Variants in FAM135B observed in about 807,000 individuals in gnomAD.
FAM135B encodes protein FAM135B.
Under a neutral mutation model 127.7 loss-of-function variants are expected in FAM135B, and 43 were observed. The observed-to-expected ratio is 0.34, with a 90% CI of 0.26 to 0.43. The LOEUF is 0.43. FAM135B is among the 20% of genes least tolerant of loss of function. The probability of loss-of-function intolerance (pLI) is 1.00; values close to 1 mark genes in which losing one functional copy is unlikely to be tolerated. For synonymous variants in FAM135B, 670 were observed against 665.1 expected (o/e 1.01, Z -0.11); for missense variants, 1,558 against 1,725.6 (o/e 0.90, Z 1.72).
chr8:138,411,900 C>A (rs970033987), intron 1 of FAM135B, among the ~76,000 whole-genome samples: 2 of 152,168 alleles, frequency 1.3e-5, no homozygotes, highest in Non-Finnish European at 1.5e-5. Context: ...GAAACAAAAT[C>A]ATGTCCTTTG....
At chr8:138,476,878 T>C (rs1564031970) in intron 1 of FAM135B, among the ~76,000 whole-genome samples, 1 of 152,206 alleles carries the variant, frequency 6.6e-6, no homozygotes, top group Non-Finnish European at 1.5e-5. Flanking sequence ...GGACTGGAGC[T>C]GGACTGGGAT....
chr8:138,192,102 G>C (rs1302555038), intron 9 of FAM135B, among the ~76,000 whole-genome samples: 2 of 152,148 alleles, frequency 1.3e-5, no homozygotes, highest in Non-Finnish European at 1.5e-5. Flanking sequence ...TTATAGAATT[G>C]TTTTATCAAT....
intron 1 of FAM135B, among the ~76,000 whole-genome samples, chr8:138,375,378 T>C (rs2131259378): frequency 6.6e-6 from 1 of 152,198 alleles, no homozygotes; most frequent in South Asian, 2.1e-4. Context: ...AGTCTCTCTC[T>C]GTGTGTTTGT....
rs1018168011 is a variant in FAM135B, at chr8:138,215,598, G to C, written c.670-17929C>G. On this transcript the variant is annotated intron_variant, in intron 7 of 19. Coordinates refer to ENST00000395297, the MANE Select transcript of FAM135B (RefSeq NM_015912.4). ...GGCTTCCATTCTATGACAGAAGTTA[G>C]CAAGTTGCAGAGGCGTTATCAGAAA... 5.9e-5 allele frequency among the ~76,000 whole-genome samples: 9 copies of C among 152,212 alleles called. No homozygotes were observed. The East Asian group carries it at 1.7e-3, about 29-fold the overall frequency.
chr8:138,299,876 T>G (rs971433311), intron 3 of FAM135B, among the ~76,000 whole-genome samples: 1 of 152,190 alleles, frequency 6.6e-6, no homozygotes, highest in African/African-American at 2.4e-5. Flanking sequence ...TTTATCTGAT[T>G]CATTTGTGGG....
intron 2 of FAM135B, among the ~76,000 whole-genome samples, chr8:138,344,217 G>A (rs940924779): frequency 6.6e-6 from 1 of 152,208 alleles, no homozygotes; most frequent in Non-Finnish European, 1.5e-5. Context: ...AAGTGTCAAG[G>A]GAGAAGATAC....
intron 13 of FAM135B, among the ~76,000 whole-genome samples, chr8:138,149,920 T>C (rs1485480567): frequency 6.6e-6 from 1 of 152,208 alleles, no homozygotes; most frequent in African/African-American, 2.4e-5. Flanking sequence ...AGGCAGGCAC[T>C]GGACAGCATC....
At chr8:138,226,272 A>C (rs913581398) in intron 7 of FAM135B, among the ~76,000 whole-genome samples, 5 of 151,830 alleles carry the variant, frequency 3.3e-5, no homozygotes, top group Non-Finnish European at 5.9e-5. Flanking sequence ...TCATGGAGAC[A>C]CCATGATGAA....
At chr8:138,172,712 G>A (rs10102334) in intron 11 of FAM135B, among the ~76,000 whole-genome samples, 86,298 of 152,016 alleles carry the variant, frequency 0.57, 24,719 homozygotes, top group East Asian at 0.81. Flanking sequence ...TTATGCAGAG[G>A]GAGGGAGGAA....
chr8:138,358,250 TG>T (rs1365977733), intron 2 of FAM135B: 2 of 152,142 alleles, frequency 1.3e-5, no homozygotes, highest in Non-Finnish European at 2.9e-5. Flanking sequence ...GGTATTTGGG[TG>T]GGGACACAGC....
At chr8:138,355,162 G>A (rs529793166) in intron 2 of FAM135B, among the ~76,000 whole-genome samples, 8 of 152,148 alleles carry the variant, frequency 5.3e-5, no homozygotes, top group African/African-American at 1.2e-4. Context: ...ACAATGTAGC[G>A]ATTCCTCAGA....
At chr8:138,166,892 A>G (rs116121687) in intron 12 of FAM135B, among the ~76,000 whole-genome samples, 2,109 of 152,158 alleles carry the variant, frequency 0.014, 38 homozygotes, top group Middle Eastern at 0.051. Context: ...TAGCTCGCTG[A>G]GTGCTTCCAT....
intron 1 of FAM135B, among the ~76,000 whole-genome samples, chr8:138,476,884 G>T (rs770404238): frequency 2.6e-5 from 4 of 152,142 alleles, no homozygotes; most frequent in Non-Finnish European, 5.9e-5. Flanking sequence ...GAGCTGGACT[G>T]GGATAACTAT....
chr8:138,230,404 A>G (rs866920308), intron 7 of FAM135B, among the ~76,000 whole-genome samples: 1 of 152,196 alleles, frequency 6.6e-6, no homozygotes. Flanking sequence ...ACTACCCTTC[A>G]GAATGTACAA....
chr8:138,368,080 C>G, intron 1 of FAM135B, 78 bp from the exon 2 acceptor site: 1 of 939,948 alleles, frequency 1.1e-6, no homozygotes, highest in Non-Finnish European at 1.7e-6. Flanking sequence ...CAACAGGAAA[C>G]CAATCTGACC....
At chr8:138,409,727 TAGTC>T (rs1833743968) in intron 1 of FAM135B, among the ~76,000 whole-genome samples, 1 of 151,416 alleles carries the variant, frequency 6.6e-6, no homozygotes, top group Non-Finnish European at 1.5e-5. Flanking sequence ...TACAAAAAAT[TAGTC>T]AGGCATGGTG....
intron 3 of FAM135B, among the ~76,000 whole-genome samples, chr8:138,277,889 T>A (rs973985404): frequency 6.6e-6 from 1 of 152,202 alleles, no homozygotes; most frequent in African/African-American, 2.4e-5. Flanking sequence ...TCCAGGGACC[T>A]TGCAGGATAA....
At chr8:138,290,629 C>G (rs1348974598) in intron 3 of FAM135B, among the ~76,000 whole-genome samples, 2 of 152,062 alleles carry the variant, frequency 1.3e-5, no homozygotes, top group Non-Finnish European at 2.9e-5. Context: ...GATTTTTACT[C>G]CTGATGGTTT....
intron 18 of FAM135B, among the ~76,000 whole-genome samples, chr8:138,138,286 C>T (rs868186924): frequency 2.6e-5 from 4 of 152,196 alleles, no homozygotes; most frequent in African/African-American, 4.8e-5. Flanking sequence ...CAGATGAGCC[C>T]GTGGCTACAC....
Sources: gnomAD v4.1 joint callset for allele counts (sites outside exome capture counted in the v4.1 genomes callset) on GRCh38, gnomAD v4.1.1 for gene constraint, MANE v1.5 for transcripts, NCBI Gene and HGNC (gene_info 2026-07-23, HGNC 2026-07-21) for gene names.